PARP8: variants seen among roughly 807,000 people sequenced by gnomAD.
PARP8 encodes the protein protein mono-ADP-ribosyltransferase PARP8.
In PARP8, 51 loss-of-function variants were observed where a neutral mutation model predicts 124.1. The ratio of observed to expected loss-of-function variants is 0.41; its 90% CI spans 0.33 to 0.52. The LOEUF (loss-of-function observed/expected upper bound fraction) is 0.52, where lower values mean the gene tolerates loss of function less well. Among genes scored for constraint, PARP8 ranks in the 20% least tolerant of loss-of-function variants. The pLI is 0.21. For missense variants in PARP8, 860 were observed against 1,018.9 expected, an observed-to-expected ratio of 0.84 and a Z score of 2.12; for synonymous variants, 391 against 361.5, an observed-to-expected ratio of 1.08 and a Z score of -0.93.
chr5:50,778,502 T>G (rs1580311520), intron 8 of PARP8, 58 bp from the exon 9 acceptor site: 1 of 1,427,216 alleles, frequency 7.0e-7, no homozygotes, highest in East Asian at 2.3e-5. Context: ...TGTGTGTTTT[T>G]TTTTTCATTT....
At position 50,784,811 on chromosome 5, in the gene PARP8, G is replaced by A. The variant is rs545007987; in HGVS notation, c.671-3712G>A. ...TTTTTTGCTTAGGTCACTAATTTTA[G>A]CTATATTTATTCCTGAGTACTTATT... On this transcript the variant is annotated intron_variant, in intron 9 of 25. Transcript: ENST00000281631. 6.6e-5 allele frequency among the ~76,000 whole-genome samples: 10 copies of A among 151,798 alleles called. No individual in the cohort carries two copies. In the South Asian group the frequency reaches 2.1e-3, roughly 32 times the overall value.
At chr5:50,682,354 G>A (rs546272415) in intron 2 of PARP8, among the ~76,000 whole-genome samples, 1 of 152,136 alleles carries the variant, frequency 6.6e-6, no homozygotes, top group South Asian at 2.1e-4. Context: ...TAAATAAAAA[G>A]GACTTCTACC....
At chr5:50,812,041 A>G (rs529628174) in intron 14 of PARP8, among the ~76,000 whole-genome samples, 12 of 152,308 alleles carry the variant, frequency 7.9e-5, no homozygotes, top group African/African-American at 2.4e-4. Flanking sequence ...TAGTGCTGCA[A>G]TAAACATACA....
intron 2 of PARP8, among the ~76,000 whole-genome samples, chr5:50,692,947 T>TA (rs1009683493): frequency 3.0e-4 from 46 of 152,166 alleles, no homozygotes; most frequent in African/African-American, 1.1e-3. Flanking sequence ...TATATTTTTT[T>TA]ATCTGTGTTT....
At chr5:50,826,327 T>A (rs1746348436) in intron 18 of PARP8, among the ~76,000 whole-genome samples, 1 of 151,002 alleles carries the variant, frequency 6.6e-6, no homozygotes, top group African/African-American at 2.4e-5. Context: ...TCCTCAAATA[T>A]TTAAAGAAAA....
intron 7 of PARP8, among the ~76,000 whole-genome samples, chr5:50,769,344 G>GA (rs558491212): frequency 9.3e-5 from 13 of 140,086 alleles, no homozygotes; most frequent in South Asian, 2.3e-4. Flanking sequence ...AAGTTCAAAA[G>GA]AAAAAAAAAA....
At position 50,730,724 on chromosome 5, in the gene PARP8, C is replaced by T. The variant is rs565873148; in HGVS notation, c.147-19427C>T. Among the ~76,000 whole-genome samples the T allele has an allele frequency of 6.6e-5, 10 of 152,188 alleles. No homozygotes were observed. In the South Asian group the frequency reaches 1.9e-3, roughly 28 times the overall value. Reference sequence around the variant, plus strand: ...AGTTGATGGAATATTTATTGAAAACCAGAGATTATTGAGATATTTTTGTTA... The same window carrying T: ...AGTTGATGGAATATTTATTGAAAACTAGAGATTATTGAGATATTTTTGTTA... On this transcript the variant is annotated intron_variant, in intron 2 of 25. Transcript: ENST00000281631.
intron 2 of PARP8, among the ~76,000 whole-genome samples, chr5:50,724,509 T>A (rs984210775): frequency 6.6e-6 from 1 of 152,162 alleles, no homozygotes; most frequent in Non-Finnish European, 1.5e-5. Flanking sequence ...GATATGTAGA[T>A]GAGTTTCCAC....
At chr5:50,699,183 T>A (rs1431632585) in intron 2 of PARP8, among the ~76,000 whole-genome samples, 1 of 152,156 alleles carries the variant, frequency 6.6e-6, no homozygotes, top group Non-Finnish European at 1.5e-5. Context: ...TACTATAACA[T>A]GGCCTTATAT....
At chr5:50,706,328 T>C (rs1580028787) in intron 2 of PARP8, among the ~76,000 whole-genome samples, 1 of 152,114 alleles carries the variant, frequency 6.6e-6, no homozygotes, top group East Asian at 1.9e-4. Context: ...GAGTAAATTT[T>C]AGGAAACCTT....
intron 15 of PARP8, among the ~76,000 whole-genome samples, chr5:50,820,644 CTT>C (rs1745657211): frequency 6.6e-6 from 1 of 152,188 alleles, no homozygotes; most frequent in African/African-American, 2.4e-5. Flanking sequence ...ATGCCAAAGT[CTT>C]TTCCTGCACA....
At chr5:50,709,230 T>C (rs1336776206) in intron 2 of PARP8, among the ~76,000 whole-genome samples, 1 of 152,132 alleles carries the variant, frequency 6.6e-6, no homozygotes, top group Admixed American at 6.5e-5. Context: ...ATCTCTTTAT[T>C]CTGCTTTTTC....
At position 50,666,921 on chromosome 5, in the gene PARP8, CCCTCCT is replaced by C; in HGVS notation, c.-164_-159del. 1.6e-6 allele frequency: 1 copy of C among 617,152 alleles called. No individual in the cohort carries two copies. The highest frequency in any genetic ancestry group is 6.5e-5 in the Admixed American group (1 of 15,334). The allele number at this position is 617,152 out of a possible 1,614,324, so 38.2% of individuals were successfully genotyped here. A position where few individuals can be genotyped will look rare whatever the true frequency, so the allele number is the denominator to read the frequency against. On this transcript the variant is annotated 5_prime_UTR_variant, in exon 1 of 26. Coordinates refer to ENST00000281631, the MANE Select transcript of PARP8 (RefSeq NM_024615.4). ...GACCTCCCCCTCCTCCTCCTCCTCCCCCTCCTCCTCCTCCTCTTCTCTCACCCAGGA... is the reference window on the plus strand; with the variant it reads ...GACCTCCCCCTCCTCCTCCTCCTCCCCCTCCTCCTCTTCTCTCACCCAGGA...
intron 22 of PARP8, among the ~76,000 whole-genome samples, chr5:50,832,179 G>A (rs1747060653): frequency 6.6e-6 from 1 of 152,140 alleles, no homozygotes; most frequent in South Asian, 2.1e-4. Context: ...AACAGTAGAT[G>A]AACACTTTCT....
At chr5:50,806,364 T>G (rs1458686365) in intron 14 of PARP8, among the ~76,000 whole-genome samples, 2 of 152,016 alleles carry the variant, frequency 1.3e-5, no homozygotes, top group Non-Finnish European at 2.9e-5. Flanking sequence ...GTTCACTGTT[T>G]GTGGTTTAAT....
At chr5:50,762,080 C>T (rs1760600811) in intron 6 of PARP8, among the ~76,000 whole-genome samples, 182 bp downstream of exon 6, 1 of 152,014 alleles carries the variant, frequency 6.6e-6, no homozygotes, top group African/African-American at 2.4e-5. Context: ...TTAAGGTTCC[C>T]CTGCAGTCCT....
chr5:50,760,979 T>C (rs1760485470), intron 5 of PARP8, among the ~76,000 whole-genome samples: 1 of 152,168 alleles, frequency 6.6e-6, no homozygotes, highest in Non-Finnish European at 1.5e-5. Context: ...TTTATCCACA[T>C]TGAGAATTAT....
chr5:50,729,745 A>G (rs1290055357), intron 2 of PARP8, among the ~76,000 whole-genome samples: 1 of 152,114 alleles, frequency 6.6e-6, no homozygotes, highest in African/African-American at 2.4e-5. Context: ...TTACTGATAA[A>G]TTTGGACTCC....
chr5:50,790,555 C>A (rs1358700717), intron 10 of PARP8, among the ~76,000 whole-genome samples: 1 of 152,044 alleles, frequency 6.6e-6, no homozygotes, highest in African/African-American at 2.4e-5. Context: ...CACTTACAAA[C>A]TTTTATTTTT....
Sources: gnomAD v4.1 joint callset for allele counts (sites outside exome capture counted in the v4.1 genomes callset) on GRCh38, gnomAD v4.1.1 for gene constraint, MANE v1.5 for transcripts, NCBI Gene and HGNC (gene_info 2026-07-23, HGNC 2026-07-21) for gene names.